The following PAK4 variants were observed in gnomAD, a reference collection of about 807,000 sequenced individuals.
The protein encoded by PAK4 is p21 (RAC1) activated kinase 4, also known as serine/threonine-protein kinase PAK 4.
Under a neutral mutation model 53.5 loss-of-function variants are expected in PAK4, and 49 were observed. The observed-to-expected ratio is 0.92, with a 90% confidence interval of 0.73 to 1.16. The LOEUF is 1.16. PAK4 is among the 50% of genes most tolerant of loss of function. The pLI, the probability that PAK4 is intolerant of heterozygous loss-of-function variation, is 0.00. For missense variants in PAK4, 824 were observed against 850.7 expected (o/e 0.97, Z 0.39); for synonymous variants, 376 against 375.6 (o/e 1.00, Z -0.01).
intron 1 of PAK4, among the ~76,000 whole-genome samples, chr19:39,133,855 G>C (rs927981298): frequency 1.3e-5 from 2 of 152,192 alleles, no homozygotes; most frequent in Non-Finnish European, 2.9e-5. Flanking sequence ...GAAGGCGGCC[G>C]GTCTTCCTGG....
chr19:39,126,201 A>T (rs920133640), intron 1 of PAK4, among the ~76,000 whole-genome samples: 12 of 152,074 alleles, frequency 7.9e-5, no homozygotes, highest in Non-Finnish European at 1.5e-4. Flanking sequence ...AGGCAGGGTC[A>T]AAGTTAATAA....
intron 1 of PAK4, among the ~76,000 whole-genome samples, chr19:39,163,959 C>G (rs1355834048): frequency 1.3e-5 from 2 of 152,190 alleles, no homozygotes; most frequent in Non-Finnish European, 2.9e-5. Context: ...CTGACACATT[C>G]TAAGGGAGAG....
intron 1 of PAK4, among the ~76,000 whole-genome samples, chr19:39,159,496 G>A (rs573583014): frequency 2.6e-5 from 4 of 152,150 alleles, no homozygotes; most frequent in African/African-American, 9.6e-5. Context: ...AGTGATTCTC[G>A]TGCCTCAGCC....
chr19:39,129,779 G>A (rs1415104720), intron 1 of PAK4, among the ~76,000 whole-genome samples: 5 of 152,190 alleles, frequency 3.3e-5, no homozygotes, highest in Non-Finnish European at 5.9e-5. Flanking sequence ...CCAGGACGGT[G>A]ACTGCAGCTT....
intron 1 of PAK4, among the ~76,000 whole-genome samples, chr19:39,131,373 G>C (rs892322527): frequency 6.6e-6 from 1 of 151,972 alleles, no homozygotes; most frequent in East Asian, 1.9e-4. Flanking sequence ...TCTACTCCTC[G>C]TCCCACTGGC....
Position 39,178,935 on chromosome 19 carries a change from A to T in PAK4, c.*356A>T, listed in dbSNP as rs906120211. 3.7e-5 allele frequency: 9 copies of T among 240,196 alleles called. No homozygotes were observed. Among genetic ancestry groups the T allele is most frequent in the South Asian group, 6.4e-5 (1 of 15,526 alleles). 14.9% of individuals were successfully genotyped at this position (240,196 alleles called of 1,614,324 possible). A position where few individuals can be genotyped will look rare whatever the true frequency, so the allele number is the denominator to read the frequency against. Reference sequence around the variant, plus strand: ...GAACACTAAGAGGTGAACATGTATGAGTGTGTGCACGCGTGTGAGTGTGCA... The same window carrying T: ...GAACACTAAGAGGTGAACATGTATGTGTGTGTGCACGCGTGTGAGTGTGCA... On this transcript the variant is annotated 3_prime_UTR_variant, in exon 9 of 9. Coordinates refer to ENST00000358301, the Ensembl canonical transcript of PAK4. The surrounding 1 kb of genome is among the most constrained non-coding windows in gnomAD (Gnocchi z 4.4).
chr19:39,177,867 G>T (rs895695254), intron 8 of PAK4, 58 bp downstream of exon 9: 1 of 1,562,864 alleles, frequency 6.4e-7, no homozygotes. Flanking sequence ...AGGGCTCCAG[G>T]TGGAGCATGG....
chr19:39,127,357 A>T (rs1472463937), intron 1 of PAK4, among the ~76,000 whole-genome samples: 1 of 151,696 alleles, frequency 6.6e-6, no homozygotes, highest in Non-Finnish European at 1.5e-5. Flanking sequence ...TTCTGCTGGG[A>T]ATCCTTTCCC....
chr19:39,151,092 C>T (rs1365492177), intron 1 of PAK4, among the ~76,000 whole-genome samples: 1 of 152,048 alleles, frequency 6.6e-6, no homozygotes, highest in Non-Finnish European at 1.5e-5. Context: ...GAGAGGTGGG[C>T]GCGACCTCGG....
chr19:39,161,558 C>T lies in PAK4; in HGVS notation c.-22-7974C>T, dbSNP rs2074284430. 2.0e-5 allele frequency among the ~76,000 whole-genome samples: 3 copies of T among 151,994 alleles called. No individual in the cohort carries two copies. Among genetic ancestry groups the T allele is most frequent in the African/African-American group, 4.8e-5 (2 of 41,366 alleles). On this transcript the variant is annotated intron_variant, in intron 1 of 8. Transcript: ENST00000358301. This position sits in a 1 kb window ranked among gnomAD's most constrained non-coding sequence, Gnocchi z 4.5. Reference sequence around the variant, plus strand: ...TCACAGCCTCCTCCTCCCTGGTCCCCCTTTCCGTTCTGCCCCCACAGACTG... The same window carrying T: ...TCACAGCCTCCTCCTCCCTGGTCCCTCTTTCCGTTCTGCCCCCACAGACTG...
intron 4 of PAK4, 76 bp from the exon 6 acceptor site, chr19:39,174,855 A>AG: frequency 3.2e-6 from 5 of 1,565,662 alleles, no homozygotes; most frequent in Non-Finnish European, 4.4e-6. Context: ...AGGGGGAGCC[A>AG]GGGGGGTGGC....
chr19:39,176,386 G>A (rs564196601), intron 6 of PAK4: 16 of 656,348 alleles, frequency 2.4e-5, no homozygotes, highest in Non-Finnish European at 4.0e-5. Flanking sequence ...TCGTGGGGGA[G>A]GTGACTTGCC....
intron 1 of PAK4, among the ~76,000 whole-genome samples, chr19:39,137,958 G>GC: frequency 6.7e-6 from 1 of 149,842 alleles, no homozygotes; most frequent in South Asian, 2.1e-4. Flanking sequence ...GAGCCACTGT[G>GC]CCTAGTGTCT....
chr19:39,170,969 C>G (rs970401458), intron 2 of PAK4, among the ~76,000 whole-genome samples: 9 of 152,358 alleles, frequency 5.9e-5, no homozygotes, highest in African/African-American at 2.2e-4. Flanking sequence ...CCACGCCCTG[C>G]CTGGCTCTGT....
intron 1 of PAK4, among the ~76,000 whole-genome samples, chr19:39,132,373 T>G (rs1238499741): frequency 6.6e-6 from 1 of 152,212 alleles, no homozygotes; most frequent in African/African-American, 2.4e-5. Context: ...CCCCGGTTTC[T>G]TTTCTTTCTT....
At chr19:39,176,743 C>T (rs779499739) in intron 7 of PAK4, 28 bp downstream of exon 8, 59 of 1,602,560 alleles carry the variant, frequency 3.7e-5, no homozygotes, top group Admixed American at 6.7e-5. Flanking sequence ...TTGGTTGTCC[C>T]GCCGTGGACA....
chr19:39,158,040 G>T (rs1021821436), intron 1 of PAK4, among the ~76,000 whole-genome samples: 2 of 152,030 alleles, frequency 1.3e-5, no homozygotes, highest in Non-Finnish European at 2.9e-5. Flanking sequence ...GTGCATGTAT[G>T]TGAGCATGTA....
chr19:39,133,405 C>G (rs907144204), intron 1 of PAK4, among the ~76,000 whole-genome samples: 2 of 152,108 alleles, frequency 1.3e-5, no homozygotes, highest in African/African-American at 4.8e-5. Flanking sequence ...CCTACTGGAC[C>G]CTCCCATCAA....
chr19:39,153,678 G>A lies in PAK4; in HGVS notation c.-22-15854G>A, dbSNP rs563885153. Among the ~76,000 whole-genome samples, 3 of 152,292 alleles carry A rather than the reference G, an allele frequency of 2.0e-5. No homozygotes were observed. The South Asian group carries it at 6.2e-4, about 32-fold the overall frequency. On this transcript the variant is annotated intron_variant, in intron 1 of 8. Coordinates refer to ENST00000358301, the Ensembl canonical transcript of PAK4. Reference sequence around the variant, plus strand: ...GCTGGTCTTGATCTCCTGACCTCAGGCGATCCACTCGCCTTGGCCTCTCAA... The same window carrying A: ...GCTGGTCTTGATCTCCTGACCTCAGACGATCCACTCGCCTTGGCCTCTCAA...
Sources: gnomAD v4.1 joint callset for allele counts (sites outside exome capture counted in the v4.1 genomes callset) on GRCh38, gnomAD v4.1.1 for gene constraint, Gnocchi (gnomAD v3.1) non-coding constraint, MANE v1.5 for transcripts, NCBI Gene and HGNC (gene_info 2026-07-23, HGNC 2026-07-21) for gene names.